The following DNAL1 variants were observed in gnomAD, a reference collection of about 807,000 sequenced individuals.
DNAL1 encodes dynein axonemal light chain 1.
Under a neutral mutation model 29.4 loss-of-function variants are expected in DNAL1, and 17 were observed. The ratio of observed to expected loss-of-function variants is 0.58; its 90% confidence interval spans 0.40 to 0.87. The LOEUF (loss-of-function observed/expected upper bound fraction) is 0.87, where lower values mean the gene tolerates loss of function less well. DNAL1 is among the 40% of genes least tolerant of loss of function. The probability of loss-of-function intolerance (pLI) is 0.00; values close to 1 mark genes in which losing one functional copy is unlikely to be tolerated. For synonymous variants in DNAL1, 78 were observed against 76.3 expected, an observed-to-expected ratio of 1.02 and a Z score of -0.12; for missense variants, 188 against 214.1, an observed-to-expected ratio of 0.88 and a Z score of 0.76.
At chr14:73,649,147 A>ATTG (rs1421415374) in intron 1 of DNAL1, among the ~76,000 whole-genome samples, 1 of 148,032 alleles carries the variant, frequency 6.8e-6, no homozygotes. Flanking sequence ...GCTAATTTTC[A>ATTG]TATTTTTAGT....
chr14:73,703,374 C>A lies in DNAL1; in HGVS notation c.*7432C>A, dbSNP rs1264532568. The A allele has an allele frequency of 2.0e-5, 3 of 152,194 alleles. No individual in the cohort carries two copies. Among genetic ancestry groups the A allele is most frequent in the African/African-American group, 7.2e-5 (3 of 41,430 alleles). The allele number at this position is 152,194 out of a possible 1,614,324, so 9.4% of individuals were successfully genotyped here. A position where few individuals can be genotyped will look rare whatever the true frequency, so the allele number is the denominator to read the frequency against. On this transcript the variant is annotated 3_prime_UTR_variant, in exon 8 of 8. Transcript: ENST00000553645. ...CTGAGCCCAAGCTAAGCCATCGCAT[C>A]CCCTGTGACTTGCACGTATACATCC...
intron 5 of DNAL1, among the ~76,000 whole-genome samples, chr14:73,674,412 A>G (rs2040538631): frequency 6.6e-6 from 1 of 152,018 alleles, no homozygotes; most frequent in African/African-American, 2.4e-5. Flanking sequence ...TTTACACCTC[A>G]GCTCAGATGT....
chr14:73,647,060 T>A (rs563933170), intron 1 of DNAL1, among the ~76,000 whole-genome samples: 6 of 152,116 alleles, frequency 3.9e-5, no homozygotes, highest in Middle Eastern at 3.4e-3. Flanking sequence ...CAATTTCTCT[T>A]GAAAAATAAA....
chr14:73,689,097 A>G (rs1347576206), intron 6 of DNAL1, among the ~76,000 whole-genome samples: 1 of 136,634 alleles, frequency 7.3e-6, no homozygotes, highest in Non-Finnish European at 1.5e-5. Flanking sequence ...GCATTGGTGC[A>G]ATCTCTGCTC....
rs374578548 is a variant in DNAL1, at chr14:73,691,160, A to T, written c.532+1645A>T. The stretch of plus-strand genomic sequence containing the variant: ...ATTTCAGAACATATATCAGAGTATT[A>T]TTATGAGGATTAAATAAAATAATCT... On this transcript the variant is annotated intron_variant, in intron 7 of 7. Transcript: ENST00000553645. 2.2e-4 allele frequency among the ~76,000 whole-genome samples: 34 copies of T among 152,242 alleles called. 1 individual carries two copies. Among genetic ancestry groups the T allele is most frequent in the East Asian group, 7.7e-4 (4 of 5,206 alleles).
intron 4 of DNAL1, 55 bp from the exon 5 acceptor site, chr14:73,671,487 A>G: frequency 7.3e-7 from 1 of 1,363,670 alleles, no homozygotes; most frequent in Non-Finnish European, 9.6e-7. Flanking sequence ...CTAGATTTAC[A>G]ACAATTGTGT....
intron 5 of DNAL1, among the ~76,000 whole-genome samples, chr14:73,683,796 C>T (rs1891950362): frequency 6.6e-6 from 1 of 152,036 alleles, no homozygotes; most frequent in Non-Finnish European, 1.5e-5. Context: ...CAACCTCCAC[C>T]TTCCAGGTTC....
At chr14:73,685,473 T>TTG (rs1891999516) in intron 5 of DNAL1, among the ~76,000 whole-genome samples, 1 of 151,558 alleles carries the variant, frequency 6.6e-6, no homozygotes, top group South Asian at 2.1e-4. Context: ...TTTTTTTTTT[T>TTG]TTTTGAGACT....
At chr14:73,681,655 T>TATATATATA (rs1555402648) in intron 5 of DNAL1, among the ~76,000 whole-genome samples, 13 of 127,240 alleles carry the variant, frequency 1.0e-4, no homozygotes, top group African/African-American at 2.6e-4. Context: ...TATATATATA[T>TATATATATA]TAGTTGGGTG....
At chr14:73,661,879 G>C (rs1891366113) in intron 3 of DNAL1, 108 bp from the exon 4 acceptor site, 1 of 655,392 alleles carries the variant, frequency 1.5e-6, no homozygotes. Context: ...GATTGAGTGG[G>C]GAAAATATTA....
chr14:73,682,128 G>T (rs1224284266), intron 5 of DNAL1, among the ~76,000 whole-genome samples: 2 of 146,262 alleles, frequency 1.4e-5, no homozygotes, highest in African/African-American at 2.5e-5. Flanking sequence ...TAATAATATT[G>T]TTTTTATTTC....
intron 5 of DNAL1, among the ~76,000 whole-genome samples, chr14:73,674,777 A>G (rs1891692338): frequency 1.3e-5 from 2 of 152,176 alleles, no homozygotes; most frequent in South Asian, 4.1e-4. Flanking sequence ...CCTGGGCTTA[A>G]GCAATACTCT....
intron 4 of DNAL1, among the ~76,000 whole-genome samples, chr14:73,665,077 T>C (rs1891446633): frequency 6.6e-6 from 1 of 152,190 alleles, no homozygotes; most frequent in Admixed American, 6.5e-5. Context: ...GCATATAAAA[T>C]GCTCAATAAA....
chr14:73,667,338 G>A (rs978985970), intron 4 of DNAL1, among the ~76,000 whole-genome samples: 3 of 151,834 alleles, frequency 2.0e-5, no homozygotes, highest in Non-Finnish European at 4.4e-5. Flanking sequence ...GGTGGCATGC[G>A]CCTATAATCC....
chr14:73,682,452 G>A (rs1383451657), intron 5 of DNAL1, among the ~76,000 whole-genome samples: 1 of 149,386 alleles, frequency 6.7e-6, no homozygotes, highest in African/African-American at 2.5e-5. Context: ...GCCTCCCAAA[G>A]TGCTGGGATT....
Position 73,647,646 on chromosome 14 carries a change from C to G in DNAL1, c.3+2604C>G, listed in dbSNP as rs1303511703. On this transcript the variant is annotated intron_variant, in intron 1 of 7. Coordinates refer to ENST00000553645, the MANE Select transcript of DNAL1 (RefSeq NM_031427.4). ...TACACTAGTCCTGTCCTTAGTTGGC[C>G]AGTTTTACTTATTAGTTAAGTCCAT... Among the ~76,000 whole-genome samples the G allele has an allele frequency of 1.7e-4, 26 of 152,080 alleles. 1 individual carries two copies. Among genetic ancestry groups the G allele is most frequent in the Admixed American group, 1.6e-3 (25 of 15,256 alleles).
At position 73,689,400 on chromosome 14, in the gene DNAL1, G is replaced by A. The variant is rs942068044; in HGVS notation, c.417G>A (p.Leu139=). ...CTGAGTTTGTGAAGCTGGCAGAACT[G>A]CCATGCCTCGAAGACCTGGTGTTTG... The part of the protein sequence containing the change: ...DWAEFVKLAE[L]PCLEDLVFVG... The change falls in exon 7 of 8, where the codon CTG becomes CTA. Residue 139 remains leucine, a synonymous_variant. Transcript: ENST00000553645. The A allele has an allele frequency of 1.3e-6, 2 of 1,553,006 alleles. No homozygotes were observed. Among genetic ancestry groups the A allele is most frequent in the African/African-American group, 2.7e-5 (2 of 73,110 alleles).
At chr14:73,660,842 G>T (rs1891325147) in intron 3 of DNAL1, among the ~76,000 whole-genome samples, 1 of 152,136 alleles carries the variant, frequency 6.6e-6, no homozygotes, top group African/African-American at 2.4e-5. Flanking sequence ...AAAGCACCTT[G>T]TATATCACCT....
chr14:73,682,729 A>C (rs1891918168), intron 5 of DNAL1, among the ~76,000 whole-genome samples: 1 of 151,994 alleles, frequency 6.6e-6, no homozygotes, highest in Admixed American at 6.6e-5. Context: ...AGTCAATATC[A>C]CTGTCTTCCA....
Sources: allele counts gnomAD v4.1 joint callset (sites outside exome capture counted in the v4.1 genomes callset), GRCh38; gene constraint gnomAD v4.1.1; transcripts MANE v1.5; gene names NCBI Gene and HGNC (gene_info 2026-07-23, HGNC 2026-07-21).